PREP: variants seen among roughly 807,000 people sequenced by gnomAD.
The protein encoded by PREP is dJ355L5.1 (prolyl endopeptidase).
Under a neutral mutation model 87.6 loss-of-function variants are expected in PREP, and 29 were observed. That is an observed-to-expected ratio of 0.33 (90% CI 0.25 to 0.45). The LOEUF (loss-of-function observed/expected upper bound fraction) is 0.45. PREP is among the 20% of genes least tolerant of loss of function. The pLI, the probability that PREP is intolerant of heterozygous loss-of-function variation, is 1.00. For missense variants in PREP, 695 were observed against 886.5 expected (o/e 0.78, Z 2.74); for synonymous variants, 337 against 328.6 (o/e 1.03, Z -0.28).
At chr6:105,291,856 C>T (rs1770303495) in intron 10 of PREP, among the ~76,000 whole-genome samples, 1 of 152,140 alleles carries the variant, frequency 6.6e-6, no homozygotes, top group African/African-American at 2.4e-5. Context: ...CAAACTAAAA[C>T]CTTTGTTGTC....
intron 14 of PREP, among the ~76,000 whole-genome samples, chr6:105,279,637 C>T (rs907413637): frequency 1.1e-4 from 16 of 152,194 alleles, no homozygotes; most frequent in Admixed American, 5.9e-4. Flanking sequence ...GCCCAGGGGG[C>T]GGGGAGGTGT....
chr6:105,345,151 A>C (rs1771763638), intron 7 of PREP, among the ~76,000 whole-genome samples: 1 of 152,240 alleles, frequency 6.6e-6, no homozygotes, highest in Non-Finnish European at 1.5e-5. Flanking sequence ...TTTCAGTTCA[A>C]CAATGGGGCT....
intron 7 of PREP, among the ~76,000 whole-genome samples, chr6:105,337,867 A>C (rs60127716): frequency 6.6e-6 from 1 of 152,194 alleles, no homozygotes; most frequent in Non-Finnish European, 1.5e-5. Flanking sequence ...ACTTGAAAAA[A>C]GGTTCATAGA....
intron 2 of PREP, among the ~76,000 whole-genome samples, chr6:105,381,873 T>C (rs1772848238): frequency 6.6e-6 from 1 of 152,206 alleles, no homozygotes; most frequent in African/African-American, 2.4e-5. Flanking sequence ...GTAGCTGTCA[T>C]GTGAAGTGTT....
At chr6:105,391,800 T>C (rs1773155950) in intron 2 of PREP, among the ~76,000 whole-genome samples, 2 of 152,162 alleles carry the variant, frequency 1.3e-5, no homozygotes, top group Admixed American at 1.3e-4. Flanking sequence ...GTGTGGGGTT[T>C]GGGGTTTGCT....
intron 10 of PREP, among the ~76,000 whole-genome samples, chr6:105,292,977 T>C (rs1770329603): frequency 6.6e-6 from 1 of 152,228 alleles, no homozygotes; most frequent in Non-Finnish European, 1.5e-5. Flanking sequence ...TGCTATGGAT[T>C]TGGCTTTGGC....
intron 10 of PREP, among the ~76,000 whole-genome samples, chr6:105,296,340 T>A (rs1435193233): frequency 6.6e-6 from 1 of 152,094 alleles, no homozygotes; most frequent in Non-Finnish European, 1.5e-5. Flanking sequence ...GTAGTAACCT[T>A]TTTTCTATCA....
rs1326297151 is a variant in PREP, at chr6:105,275,363, T to G, written c.*2781A>C. On this transcript the variant is annotated 3_prime_UTR_variant, in exon 15 of 15. Coordinates refer to ENST00000652536, the MANE Select transcript of PREP (RefSeq NM_002726.5). ...CTTTAGTGGGAGTATTTAAGAAACA[T>G]GATTAATTGGAAAGTTTTATAATAT... 6.6e-6 allele frequency among the ~76,000 whole-genome samples: 1 copy of G among 152,176 alleles called. No homozygotes were observed. The highest frequency in any genetic ancestry group is 6.5e-5 in the Admixed American group (1 of 15,282).
intron 14 of PREP, 51 bp downstream of exon 14, chr6:105,281,695 T>G (rs1417887078): frequency 6.3e-7 from 1 of 1,579,656 alleles, no homozygotes; most frequent in Non-Finnish European, 8.6e-7. Context: ...GTGACTGTGT[T>G]CAACTTTATA....
intron 9 of PREP, 85 bp from the exon 10 acceptor site, chr6:105,323,853 C>T: frequency 1.8e-6 from 2 of 1,127,760 alleles, no homozygotes; most frequent in South Asian, 2.5e-5. Flanking sequence ...AACCAAATGC[C>T]AGCAATGGCA....
chr6:105,342,759 T>A (rs1445596524), intron 7 of PREP, among the ~76,000 whole-genome samples: 1 of 143,710 alleles, frequency 7.0e-6, no homozygotes, highest in Non-Finnish European at 1.5e-5. Flanking sequence ...AGCCAAATCA[T>A]GAGTGAACTC....
intron 12 of PREP, 32 bp from the exon 13 acceptor site, chr6:105,282,614 T>C: frequency 6.2e-7 from 1 of 1,600,184 alleles, no homozygotes; most frequent in African/African-American, 1.3e-5. Context: ...GATAGTTAAT[T>C]AACAAAACAT....
chr6:105,323,538 G>C, intron 10 of PREP, 127 bp downstream of exon 10: 1 of 848,134 alleles, frequency 1.2e-6, no homozygotes, highest in South Asian at 1.6e-5. Flanking sequence ...ACCGTCAACC[G>C]TGGGGGCTAC....
At chr6:105,312,437 A>T (rs1770777017) in intron 10 of PREP, among the ~76,000 whole-genome samples, 2 of 152,218 alleles carry the variant, frequency 1.3e-5, no homozygotes, top group Admixed American at 1.3e-4. Context: ...ACATGAACCA[A>T]CATAAATGAT....
intron 8 of PREP, 147 bp downstream of exon 8, chr6:105,333,167 T>C (rs755782840): frequency 1.0e-4 from 73 of 696,794 alleles, no homozygotes; most frequent in Non-Finnish European, 1.7e-4. Flanking sequence ...AAAACTTGGA[T>C]GAACTATTTA....
At chr6:105,320,764 G>C (rs555606847) in intron 10 of PREP, among the ~76,000 whole-genome samples, 24 of 152,260 alleles carry the variant, frequency 1.6e-4, no homozygotes, top group South Asian at 6.2e-4. Flanking sequence ...GGGTCAAGTG[G>C]AATCAAAAGT....
chr6:105,363,744 G>C (rs1265803705), intron 6 of PREP, among the ~76,000 whole-genome samples: 1 of 152,160 alleles, frequency 6.6e-6, no homozygotes, highest in African/African-American at 2.4e-5. Flanking sequence ...AGCTGGCCTT[G>C]AGACATCTTG....
At chr6:105,332,714 T>C (rs1266320346) in intron 8 of PREP, among the ~76,000 whole-genome samples, 2 of 152,192 alleles carry the variant, frequency 1.3e-5, no homozygotes, top group East Asian at 1.9e-4. Context: ...AAGCAGCATA[T>C]CATTTTTGGA....
At chr6:105,400,637 C>A (rs1773403376) in intron 1 of PREP, among the ~76,000 whole-genome samples, 1 of 152,200 alleles carries the variant, frequency 6.6e-6, no homozygotes, top group African/African-American at 2.4e-5. Context: ...CCTAAATCCT[C>A]TTCTATCAGA....
Sources: gnomAD v4.1 joint callset for allele counts (sites outside exome capture counted in the v4.1 genomes callset) on GRCh38, gnomAD v4.1.1 for gene constraint, MANE v1.5 for transcripts, NCBI Gene and HGNC (gene_info 2026-07-23, HGNC 2026-07-21) for gene names.